The following MID1 variants were observed in gnomAD, a reference collection of about 807,000 sequenced individuals.
MID1 encodes midline 1.
Under a neutral mutation model 40.4 loss-of-function variants are expected in MID1, and 7 were observed. The observed-to-expected ratio is 0.17, with a 90% confidence interval of 0.10 to 0.33. MID1 has a LOEUF of 0.33. MID1 is among the 10% of genes least tolerant of loss of function. The probability of loss-of-function intolerance (pLI) is 1.00; values close to 1 mark genes in which losing one functional copy is unlikely to be tolerated. For missense variants in MID1, 367 were observed against 558.5 expected, an observed-to-expected ratio of 0.66 and a Z score of 3.46; for synonymous variants, 229 against 221.2, an observed-to-expected ratio of 1.04 and a Z score of -0.31.
chrX:10,566,522 CCTCTCTCTCCCTCTCTCTCT>C (rs1200972140), intron 2 of MID1, among the ~76,000 whole-genome samples: 4 of 82,266 alleles, frequency 4.9e-5, no homozygotes, highest in African/African-American at 1.3e-4. Flanking sequence ...CCTCTCTCTC[CCTCTCTCTCCCTCTCTCTCT>C]CTCTCTCTCT....
intron 1 of MID1, among the ~76,000 whole-genome samples, chrX:10,656,675 G>C (rs1337476736): frequency 9.0e-6 from 1 of 111,192 alleles, no homozygotes; most frequent in Non-Finnish European, 1.9e-5. Flanking sequence ...GTCTGGGTTA[G>C]AGCTGGGTCT....
intron 1 of MID1, among the ~76,000 whole-genome samples, chrX:10,786,572 T>C (rs1330787159): frequency 9.0e-6 from 1 of 110,821 alleles, no homozygotes; most frequent in East Asian, 2.8e-4. Context: ...CCAACCCAAA[T>C]GTGCAACAAT....
At chrX:10,469,537 G>A in intron 7 of MID1, 160 bp downstream of exon 7, 1 of 1,194,722 alleles carries the variant, frequency 8.4e-7, no homozygotes, top group East Asian at 3.0e-5. Context: ...TACTAATGTA[G>A]TACAAGTGAG....
intron 2 of MID1, among the ~76,000 whole-genome samples, chrX:10,566,532 C>CCTCTCTCTCCCTCTCTCTCCCTCTCTCT (rs1934550291): frequency 9.5e-5 from 5 of 52,865 alleles, no homozygotes; most frequent in African/African-American, 3.0e-4. Flanking sequence ...CCTCTCTCTC[C>CCTCTCTCTCCCTCTCTCTCCCTCTCTCT]CTCTCTCTCT....
At chrX:10,744,456 C>T (rs2147110890) in intron 1 of MID1, among the ~76,000 whole-genome samples, 1 of 111,516 alleles carries the variant, frequency 9.0e-6, no homozygotes, top group East Asian at 2.8e-4. Flanking sequence ...ACTTAATGAG[C>T]CTCAACAAAA....
At chrX:10,694,502 C>T (rs1380293683) in intron 1 of MID1, among the ~76,000 whole-genome samples, 1 of 112,063 alleles carries the variant, frequency 8.9e-6, no homozygotes, top group East Asian at 2.8e-4. Flanking sequence ...TCCCCAGGCA[C>T]CAAACCTAAG....
intron 1 of MID1, among the ~76,000 whole-genome samples, chrX:10,662,762 G>A (rs974727070): frequency 1.8e-5 from 2 of 111,422 alleles, no homozygotes; most frequent in Non-Finnish European, 3.8e-5. Flanking sequence ...GCTTGCTAGA[G>A]GGCATTATTA....
intron 3 of MID1, among the ~76,000 whole-genome samples, chrX:10,498,107 AT>A (rs756650544): frequency 7.3e-5 from 8 of 110,309 alleles, no homozygotes; most frequent in South Asian, 3.8e-4. Flanking sequence ...AAGGGAGTTG[AT>A]TTTTTTTGAG....
chrX:10,463,048 G>C (rs904256301), intron 7 of MID1, among the ~76,000 whole-genome samples: 2 of 111,873 alleles, frequency 1.8e-5, no homozygotes, highest in Non-Finnish European at 3.8e-5. Context: ...CTGGGGAAAG[G>C]ACCCAATTTA....
At chrX:10,475,574 TA>T (rs1443433389) in intron 5 of MID1, among the ~76,000 whole-genome samples, 3 of 112,172 alleles carry the variant, frequency 2.7e-5, no homozygotes, top group African/African-American at 9.7e-5. Flanking sequence ...GTGCTTCTCT[TA>T]AAAACAAGAG....
At chrX:10,675,588 T>A (rs1188919144) in intron 1 of MID1, among the ~76,000 whole-genome samples, 6 of 111,719 alleles carry the variant, frequency 5.4e-5, no homozygotes, top group Non-Finnish European at 9.4e-5. Context: ...ACTGAATCAA[T>A]ATATTTCTAA....
At chrX:10,696,901 T>C (rs1286853031) in intron 1 of MID1, among the ~76,000 whole-genome samples, 1 of 112,146 alleles carries the variant, frequency 8.9e-6, no homozygotes, top group African/African-American at 3.2e-5. Context: ...ATATGCTGGC[T>C]AATGATCACC....
intron 1 of MID1, among the ~76,000 whole-genome samples, chrX:10,782,389 T>A (rs1310917482): frequency 4.5e-5 from 5 of 111,688 alleles, no homozygotes; most frequent in Non-Finnish European, 7.5e-5. Flanking sequence ...TCGTTACTTC[T>A]CTCCATTGCC....
intron 1 of MID1, among the ~76,000 whole-genome samples, chrX:10,712,128 C>T (rs1304202529): frequency 8.9e-6 from 1 of 111,885 alleles, no homozygotes; most frequent in East Asian, 2.8e-4. Flanking sequence ...AGTAGGTAGT[C>T]TGACATGAGT....
chrX:10,510,830 C>CAAAAAAAAAAAAAAAA (rs1185825614), intron 3 of MID1, among the ~76,000 whole-genome samples: 14 of 23,946 alleles, frequency 5.8e-4, no homozygotes, highest in African/African-American at 1.7e-3. Flanking sequence ...GACTCTGTCT[C>CAAAAAAAAAAAAAAAA]AAAAAAAAAA....
At chrX:10,663,231 G>C (rs1464644619) in intron 1 of MID1, among the ~76,000 whole-genome samples, 10 of 110,706 alleles carry the variant, frequency 9.0e-5, no homozygotes, top group Non-Finnish European at 1.7e-4. Context: ...TCTAATTTTA[G>C]AACAGCTTTA....
chrX:10,605,187 TTA>T (rs1935601404), intron 1 of MID1, among the ~76,000 whole-genome samples: 1 of 112,464 alleles, frequency 8.9e-6, no homozygotes, highest in Admixed American at 9.5e-5. Context: ...CATGGCTTCT[TTA>T]AAATATAGTT....
intron 1 of MID1, among the ~76,000 whole-genome samples, chrX:10,591,643 T>G (rs1278419833): frequency 9.0e-6 from 1 of 110,758 alleles, no homozygotes; most frequent in African/African-American, 3.3e-5. Flanking sequence ...TGCCAAAACA[T>G]CACAGTCCAA....
intron 2 of MID1, among the ~76,000 whole-genome samples, chrX:10,540,076 C>T (rs1933410283): frequency 8.9e-6 from 1 of 112,306 alleles, no homozygotes; most frequent in Non-Finnish European, 1.9e-5. Flanking sequence ...TTGCACATGC[C>T]TGTGATCCCA....
Sources: gnomAD v4.1 joint callset for allele counts (sites outside exome capture counted in the v4.1 genomes callset) on GRCh38, gnomAD v4.1.1 for gene constraint, MANE v1.5 for transcripts, NCBI Gene and HGNC (gene_info 2026-07-23, HGNC 2026-07-21) for gene names.